The following OPCML variants were observed in gnomAD, a reference collection of about 807,000 sequenced individuals.
OPCML encodes opioid binding protein/cell adhesion molecule like.
In OPCML, 13 loss-of-function variants were observed where a neutral mutation model predicts 37.8. The ratio of observed to expected loss-of-function variants is 0.34; its 90% confidence interval spans 0.22 to 0.55. OPCML has a LOEUF of 0.55. Ranked by LOEUF, OPCML falls within the 20% of genes least tolerant of loss-of-function variation. OPCML has a pLI of 0.91. For missense variants in OPCML, 341 were observed against 435.6 expected, an observed-to-expected ratio of 0.78 and a Z score of 1.93; for synonymous variants, 176 against 168.8, an observed-to-expected ratio of 1.04 and a Z score of -0.33.
At chr11:132,786,314 G>C (rs1947210371) in intron 2 of OPCML, among the ~76,000 whole-genome samples, 1 of 152,204 alleles carries the variant, frequency 6.6e-6, no homozygotes, top group Non-Finnish European at 1.5e-5. Context: ...TTAGCCATTA[G>C]AGTAGAATAA....
intron 2 of OPCML, among the ~76,000 whole-genome samples, chr11:132,840,568 G>A (rs1391983894): frequency 4.6e-5 from 7 of 152,114 alleles, no homozygotes; most frequent in Non-Finnish European, 5.9e-5. Flanking sequence ...GATAATGGGG[G>A]CACATGGGGC....
At chr11:133,099,270 T>A (rs1565446628) in intron 1 of OPCML, among the ~76,000 whole-genome samples, 1 of 151,592 alleles carries the variant, frequency 6.6e-6, no homozygotes, top group African/African-American at 2.4e-5. Context: ...TTATCTTTTT[T>A]TTTTTTCTTT....
chr11:133,419,111 ACT>A (rs113990793), intron 1 of OPCML: 500 of 392,832 alleles, frequency 1.3e-3, no homozygotes, highest in African/African-American at 7.9e-3. Flanking sequence ...TTGAGTAATA[ACT>A]CTACCTGCCA....
In OPCML at chr11:132,740,646, A is replaced by C. The variant is rs147547104; in HGVS notation, c.147-83327T>G. 4.0e-3 allele frequency among the ~76,000 whole-genome samples: 613 copies of C among 152,262 alleles called. 5 individuals are homozygous for C. The highest frequency in any genetic ancestry group is 0.019 in the South Asian group (90 of 4,808). On this transcript the variant is annotated intron_variant, in intron 2 of 7. Coordinates refer to ENST00000524381, the MANE Select transcript of OPCML (RefSeq NM_001012393.5). ...CCCAAAGTCTGTTTCGTAATGTGCC[A>C]GAATATCTCTGTGGGGCCATAACTT...
chr11:133,175,590 C>T (rs1389863986), intron 1 of OPCML, among the ~76,000 whole-genome samples: 2 of 150,180 alleles, frequency 1.3e-5, no homozygotes, highest in East Asian at 2.0e-4. Context: ...AATTAGGAAA[C>T]TTGAAATTGA....
intron 1 of OPCML, among the ~76,000 whole-genome samples, chr11:133,118,645 C>T (rs937907498): frequency 6.6e-6 from 1 of 151,176 alleles, no homozygotes; most frequent in Non-Finnish European, 1.5e-5. Flanking sequence ...GGATTTTTAC[C>T]ATATGAAAAA....
intron 2 of OPCML, among the ~76,000 whole-genome samples, chr11:132,776,665 A>G (rs1946821206): frequency 6.6e-6 from 1 of 152,074 alleles, no homozygotes; most frequent in Non-Finnish European, 1.5e-5. Context: ...CCTCACCAGA[A>G]GCAGATGCCA....
In OPCML at chr11:133,208,295, T is replaced by C. The variant is rs766893498; in HGVS notation, c.62-265285A>G. Among the ~76,000 whole-genome samples the C allele has an allele frequency of 6.6e-5, 10 of 152,206 alleles. No individual in the cohort carries two copies. The highest frequency in any genetic ancestry group is 1.2e-4 in the Non-Finnish European group (8 of 68,046). On this transcript the variant is annotated intron_variant, in intron 1 of 7. Transcript: ENST00000524381. The surrounding 1 kb of genome is among the most constrained non-coding windows in gnomAD (Gnocchi z 8.9). ...CCACGTATAAATACCAGTGAGTGAA[T>C]GAATGCGGGACAGAAGCCTACACTA... is the stretch of plus-strand genomic sequence containing the variant.
At chr11:133,418,430 G>A in intron 1 of OPCML, 2 of 985,370 alleles carry the variant, frequency 2.0e-6, no homozygotes, top group Non-Finnish European at 2.4e-6. Flanking sequence ...AACTGAGGAA[G>A]AGGGAGTCTT....
intron 2 of OPCML, among the ~76,000 whole-genome samples, chr11:132,760,050 T>G (rs1039844555): frequency 6.6e-6 from 1 of 152,202 alleles, no homozygotes; most frequent in African/African-American, 2.4e-5. Context: ...TTAATTTTTT[T>G]ATCTACCCAG....
chr11:132,599,796 G>C (rs73041775), intron 3 of OPCML, among the ~76,000 whole-genome samples: 17,398 of 152,086 alleles, frequency 0.11, 1,677 homozygotes, highest in African/African-American at 0.24. Flanking sequence ...GCATACTGAT[G>C]TATTTCATTC....
intron 7 of OPCML, chr11:132,435,382 T>C (rs778471825): frequency 2.3e-5 from 7 of 301,914 alleles, no homozygotes; most frequent in Non-Finnish European, 3.4e-5. Flanking sequence ...TTCCCTCTAA[T>C]CAAACCTCAG....
intron 1 of OPCML, among the ~76,000 whole-genome samples, chr11:133,222,049 G>T (rs1180005444): frequency 1.3e-5 from 2 of 152,210 alleles, no homozygotes; most frequent in African/African-American, 2.4e-5. Flanking sequence ...GCTCAGGGCA[G>T]TAATCGGACA....
rs553016145 is a variant in OPCML at position 133,045,058 on chromosome 11, G to A, written c.62-102048C>T. On this transcript the variant is annotated intron_variant, in intron 1 of 7. Transcript: ENST00000524381. ...ATCTTTGAGGAAAAAGTTGGCTACT[G>A]TCCTAGAGCTGGTTCAAATCCCCAG... is the stretch of plus-strand genomic sequence containing the variant. Among the ~76,000 whole-genome samples the A allele has an allele frequency of 2.4e-4, 36 of 152,282 alleles. No individual in the cohort carries two copies. The South Asian group carries it at 6.0e-3, about 25-fold the overall frequency.
intron 2 of OPCML, among the ~76,000 whole-genome samples, chr11:132,670,596 A>T (rs1942430819): frequency 6.6e-6 from 1 of 152,230 alleles, no homozygotes; most frequent in Non-Finnish European, 1.5e-5. Context: ...TATTTTAATA[A>T]GAAGTATATA....
chr11:132,572,928 C>T (rs575261882), intron 3 of OPCML, among the ~76,000 whole-genome samples: 13 of 151,746 alleles, frequency 8.6e-5, no homozygotes, highest in Admixed American at 4.6e-4. Context: ...TTTCATTTAT[C>T]GATCTTTTGT....
intron 2 of OPCML, among the ~76,000 whole-genome samples, chr11:132,661,202 C>T (rs990703925): frequency 2.0e-5 from 3 of 152,076 alleles, no homozygotes; most frequent in African/African-American, 7.2e-5. Context: ...TGCTCTTGGA[C>T]CTGGGCCTCC....
intron 2 of OPCML, among the ~76,000 whole-genome samples, chr11:132,826,676 A>T (rs973277854): frequency 6.6e-6 from 1 of 152,188 alleles, no homozygotes; most frequent in African/African-American, 2.4e-5. Context: ...TAATTCTCTT[A>T]ATTTACCCTA....
intron 2 of OPCML, among the ~76,000 whole-genome samples, chr11:132,913,828 G>A (rs1007293399): frequency 2.0e-5 from 3 of 152,124 alleles, no homozygotes; most frequent in Admixed American, 6.5e-5. Flanking sequence ...AGAAAGTCAT[G>A]GGGCCAAAGT....
Sources: gnomAD v4.1 joint callset for allele counts (sites outside exome capture counted in the v4.1 genomes callset) on GRCh38, gnomAD v4.1.1 for gene constraint, Gnocchi (gnomAD v3.1) non-coding constraint, MANE v1.5 for transcripts, NCBI Gene and HGNC (gene_info 2026-07-23, HGNC 2026-07-21) for gene names.